The following SLC24A4 variants were observed in gnomAD, a reference collection of about 807,000 sequenced individuals.
SLC24A4 encodes the protein solute carrier family 24 member 4.
SLC24A4 carries 53 observed loss-of-function variants against 79.0 expected under a neutral mutation model. That is an observed-to-expected ratio of 0.67 (90% confidence interval 0.54 to 0.84). The LOEUF is 0.84. SLC24A4 is among the 40% of genes least tolerant of loss of function. The pLI, the probability that SLC24A4 is intolerant of heterozygous loss-of-function variation, is 0.00. For synonymous variants in SLC24A4, 323 were observed against 323.8 expected (o/e 1.00, Z 0.03); for missense variants, 731 against 822.0 (o/e 0.89, Z 1.35).
At position 92,334,147 on chromosome 14, in the gene SLC24A4, C is replaced by A. The variant is rs188337318; in HGVS notation, c.241+8169C>A. ...AAGTCACACATCCAAATTTTAAAGT[C>A]GTTATGTAAAAGCAAATTTTGAGTT... On this transcript the variant is annotated intron_variant, in intron 2 of 16. Coordinates refer to ENST00000532405, the MANE Select transcript of SLC24A4 (RefSeq NM_153646.4). 5.6e-4 allele frequency among the ~76,000 whole-genome samples: 86 copies of A among 152,264 alleles called. 3 individuals carry two copies. The highest frequency in any genetic ancestry group is 6.5e-4 in the Admixed American group (10 of 15,304).
intron 14 of SLC24A4, 88 bp downstream of exon 14, chr14:92,486,868 GC>G: frequency 1.1e-6 from 1 of 903,046 alleles, no homozygotes. Flanking sequence ...CCAAGTTGTG[GC>G]TCTTATGACT....
At chr14:92,465,044 G>C (rs185147647) in intron 12 of SLC24A4, among the ~76,000 whole-genome samples, 29 of 152,338 alleles carry the variant, frequency 1.9e-4, no homozygotes, top group Admixed American at 1.8e-3. Flanking sequence ...TGGGTAGCTG[G>C]TATTTATGGT....
chr14:92,427,399 GGCAGGGCCAGACCGT>G (rs1346090968), intron 2 of SLC24A4, among the ~76,000 whole-genome samples: 1 of 152,272 alleles, frequency 6.6e-6, no homozygotes, highest in Non-Finnish European at 1.5e-5. Context: ...TGGAAGGGTT[GGCAGGGCCAGACCGT>G]GCAGGGCCTT....
At chr14:92,350,009 G>A (rs1454530510) in intron 2 of SLC24A4, among the ~76,000 whole-genome samples, 1 of 152,214 alleles carries the variant, frequency 6.6e-6, no homozygotes, top group Non-Finnish European at 1.5e-5. Context: ...GGAATCATTT[G>A]GGGCTGACCA....
intron 2 of SLC24A4, among the ~76,000 whole-genome samples, chr14:92,418,655 C>A (rs1200135712): frequency 6.6e-6 from 1 of 152,126 alleles, no homozygotes; most frequent in Non-Finnish European, 1.5e-5. Context: ...CCCCAAGAAA[C>A]CTCAGTTGTT....
intron 7 of SLC24A4, among the ~76,000 whole-genome samples, chr14:92,444,397 C>T (rs983570160): frequency 6.6e-6 from 1 of 152,116 alleles, no homozygotes; most frequent in African/African-American, 2.4e-5. Flanking sequence ...ACCTAAGCCC[C>T]GTGGGTGGTG....
intron 2 of SLC24A4, among the ~76,000 whole-genome samples, chr14:92,383,234 A>G (rs1888955205): frequency 1.3e-5 from 2 of 152,208 alleles, no homozygotes; most frequent in Non-Finnish European, 2.9e-5. Flanking sequence ...CACAGCTGGA[A>G]GTAAGATATG....
At position 92,439,342 on chromosome 14, in the gene SLC24A4, A is replaced by G. The variant is rs1477155556; in HGVS notation, c.326A>G (p.Tyr109Cys). Residue 109 changes from tyrosine to cysteine, a missense_variant, in exon 4 of 17, where the codon TAT becomes TGT. Tyr to Cys is a radical substitution (Grantham distance 194). Coordinates refer to ENST00000532405, the MANE Select transcript of SLC24A4 (RefSeq NM_153646.4). ...CTCCTCTCTCCTTTGCAGGCTCTGT[A>G]TATGTTCTATGCCTTGGCCATAGTG... The part of the protein sequence containing the change: ...AVLLHILGAL[Y>C]MFYALAIVCD... 4 of 1,612,298 alleles carry G rather than the reference A, an allele frequency of 2.5e-6. No individual in the cohort carries two copies. Among genetic ancestry groups the G allele is most frequent in the East Asian group, 4.5e-5 (2 of 44,806 alleles).
Position 92,474,841 on chromosome 14 carries a change from GTGTA to G in SLC24A4, c.1256-7837_1256-7834del. Among the ~76,000 whole-genome samples the G allele has an allele frequency of 5.9e-5, 2 of 33,812 alleles. 1 individual carries two copies. Among genetic ancestry groups the G allele is most frequent in the African/African-American group, 1.6e-4 (2 of 12,636 alleles). The allele number at this position is 33,812 out of a possible 152,430, so 22.2% of individuals were successfully genotyped here. A position where few individuals can be genotyped will look rare whatever the true frequency, so the allele number is the denominator to read the frequency against. On this transcript the variant is annotated intron_variant, in intron 12 of 16. Transcript: ENST00000532405. ...TATATACATATATATGTGTGTGTGT[GTGTA>G]TATATATATATATATATATTTTTTT...
At chr14:92,322,935 AG>A (rs1391811466), upstream of SLC24A4, among the ~76,000 whole-genome samples, 1 of 152,002 alleles carries the variant, frequency 6.6e-6, no homozygotes, top group Non-Finnish European at 1.5e-5. Context: ...GCAGCCTCAG[AG>A]GGTAAAGGAA....
Position 92,494,874 on chromosome 14 carries a change from T to C in SLC24A4, c.*1246T>C, listed in dbSNP as rs951459520. The C allele has an allele frequency of 6.6e-6, 1 of 152,636 alleles. No homozygotes were observed. The highest frequency in any genetic ancestry group is 2.4e-5 in the African/African-American group (1 of 41,440). 9.5% of individuals were successfully genotyped at this position (152,636 alleles called of 1,614,324 possible). On this transcript the variant is annotated 3_prime_UTR_variant, in exon 17 of 17. Coordinates refer to ENST00000532405, the MANE Select transcript of SLC24A4 (RefSeq NM_153646.4). The surrounding 1 kb of genome is among the most constrained non-coding windows in gnomAD (Gnocchi z 4.6). ...AACTAGATAGAAAAATATAAAATAA[T>C]CTTCGACCACTTGATAGCTCTCAAA...
chr14:92,336,859 C>T (rs541044072), intron 2 of SLC24A4, among the ~76,000 whole-genome samples: 5 of 152,190 alleles, frequency 3.3e-5, no homozygotes, highest in South Asian at 2.1e-4. Context: ...AGGGCATTTA[C>T]GCAGACAGCA....
intron 12 of SLC24A4, among the ~76,000 whole-genome samples, chr14:92,471,574 C>A (rs867279714): frequency 1.1e-4 from 17 of 152,140 alleles, no homozygotes; most frequent in African/African-American, 4.1e-4. Context: ...TACACCCAAC[C>A]CAGGGCCTAT....
intron 2 of SLC24A4, among the ~76,000 whole-genome samples, chr14:92,392,805 G>T (rs543825569): frequency 6.8e-6 from 1 of 145,990 alleles, no homozygotes; most frequent in Non-Finnish European, 1.6e-5. Flanking sequence ...GGTCACATGG[G>T]AGGCGCCATC....
intron 2 of SLC24A4, among the ~76,000 whole-genome samples, chr14:92,409,707 T>C (rs28507692): frequency 0.11 from 16,155 of 152,156 alleles, 1,558 homozygotes; most frequent in African/African-American, 0.25. Flanking sequence ...GTTTGGTTTT[T>C]TTTTAAGAGA....
chr14:92,327,374 A>C (rs1481096535), intron 2 of SLC24A4, among the ~76,000 whole-genome samples: 1 of 152,128 alleles, frequency 6.6e-6, no homozygotes, highest in African/African-American at 2.4e-5. Flanking sequence ...TCCCTCCCCC[A>C]GGGTGTCTCC....
At chr14:92,467,362 A>G (rs993107581) in intron 12 of SLC24A4, among the ~76,000 whole-genome samples, 4 of 152,336 alleles carry the variant, frequency 2.6e-5, no homozygotes, top group Non-Finnish European at 5.9e-5. Context: ...CATTTTCTTG[A>G]TGAAGACACA....
At chr14:92,389,399 A>G (rs921000882) in intron 2 of SLC24A4, among the ~76,000 whole-genome samples, 1 of 152,144 alleles carries the variant, frequency 6.6e-6, no homozygotes, top group African/African-American at 2.4e-5. Flanking sequence ...TAGCTGGAAA[A>G]TGAACCAGAT....
intron 2 of SLC24A4, among the ~76,000 whole-genome samples, chr14:92,429,902 G>A (rs577545429): frequency 6.6e-6 from 1 of 152,238 alleles, no homozygotes; most frequent in African/African-American, 2.4e-5. Flanking sequence ...CTCTCCTGGG[G>A]CTGGCTGCAT....
Sources: gnomAD v4.1 joint callset for allele counts (sites outside exome capture counted in the v4.1 genomes callset) on GRCh38, gnomAD v4.1.1 for gene constraint, Gnocchi (gnomAD v3.1) non-coding constraint, MANE v1.5 for transcripts, NCBI Gene and HGNC (gene_info 2026-07-23, HGNC 2026-07-21) for gene names.